EBF2: variants seen among roughly 807,000 people sequenced by gnomAD.
The protein encoded by EBF2 is EBF transcription factor 2, also known as transcription factor COE2.
Under a neutral mutation model 72.8 loss-of-function variants are expected in EBF2, and 21 were observed. That is an observed-to-expected ratio of 0.29 (90% CI 0.20 to 0.42). The LOEUF (loss-of-function observed/expected upper bound fraction) is 0.42, where lower values mean the gene tolerates loss of function less well. Ranked by LOEUF, EBF2 falls within the 10% of genes least tolerant of loss-of-function variation. EBF2 has a pLI of 1.00. For synonymous variants in EBF2, 299 were observed against 274.2 expected (o/e 1.09, Z -0.89); for missense variants, 637 against 731.2 (o/e 0.87, Z 1.49).
intron 10 of EBF2, among the ~76,000 whole-genome samples, chr8:25,870,009 C>G (rs1411713588): frequency 6.6e-6 from 1 of 152,160 alleles, no homozygotes; most frequent in Non-Finnish European, 1.5e-5. Context: ...CCATCCCCCT[C>G]TGGGCATCCT....
At chr8:25,998,457 A>C (rs1804671957) in intron 6 of EBF2, among the ~76,000 whole-genome samples, 1 of 152,240 alleles carries the variant, frequency 6.6e-6, no homozygotes, top group South Asian at 2.1e-4. Context: ...CCGTAGGAAG[A>C]AAGATGAAGC....
At chr8:26,028,526 G>A (rs1322516336) in intron 6 of EBF2, among the ~76,000 whole-genome samples, 3 of 152,114 alleles carry the variant, frequency 2.0e-5, no homozygotes, top group Admixed American at 6.6e-5. Flanking sequence ...GAACAATAGG[G>A]ACTCATCTTC....
chr8:25,935,237 A>T (rs7008954), intron 6 of EBF2, among the ~76,000 whole-genome samples: 3 of 151,912 alleles, frequency 2.0e-5, no homozygotes, highest in African/African-American at 7.3e-5. Context: ...ACAGTTAAGG[A>T]TGGAGAGGGA....
At chr8:25,851,705 G>C (rs865983103) in intron 14 of EBF2, among the ~76,000 whole-genome samples, 1 of 152,152 alleles carries the variant, frequency 6.6e-6, no homozygotes, top group African/African-American at 2.4e-5. Context: ...CACATGACTT[G>C]ACAAAAGTGT....
At chr8:25,909,288 G>C (rs1803088402) in intron 6 of EBF2, among the ~76,000 whole-genome samples, 1 of 151,970 alleles carries the variant, frequency 6.6e-6, no homozygotes, top group Non-Finnish European at 1.5e-5. Context: ...AGGCAACTAC[G>C]TTAACCAAGA....
intron 6 of EBF2, among the ~76,000 whole-genome samples, chr8:25,972,047 C>T (rs1804198789): frequency 6.6e-6 from 1 of 152,152 alleles, no homozygotes; most frequent in South Asian, 2.1e-4. Flanking sequence ...AGAGCTGGCT[C>T]CAGCTGACAA....
intron 10 of EBF2, among the ~76,000 whole-genome samples, chr8:25,881,485 G>T (rs1186016687): frequency 6.6e-6 from 1 of 152,196 alleles, no homozygotes; most frequent in Non-Finnish European, 1.5e-5. Flanking sequence ...CATCAGGTTT[G>T]CAATTCCTTG....
chr8:25,952,618 TCA>T (rs1803881974), intron 6 of EBF2, among the ~76,000 whole-genome samples: 1 of 152,132 alleles, frequency 6.6e-6, no homozygotes, highest in African/African-American at 2.4e-5. Flanking sequence ...TCACTCCTTT[TCA>T]CAGACTTTGC....
chr8:25,844,408 C>G lies in EBF2; in HGVS notation c.*201G>C. 2 of 571,704 alleles carry G rather than the reference C, an allele frequency of 3.5e-6. No individual in the cohort carries two copies. The highest frequency in any genetic ancestry group is 2.9e-5 in the East Asian group (1 of 34,972). The allele number at this position is 571,704 out of a possible 1,614,324, so 35.4% of individuals were successfully genotyped here. A position where few individuals can be genotyped will look rare whatever the true frequency, so the allele number is the denominator to read the frequency against. On this transcript the variant is annotated 3_prime_UTR_variant, in exon 16 of 16. Transcript: ENST00000520164. ...TCAATGACATCTTTTGTCCTTGTCC[C>G]AAGAGGGTCAGTTTGTGTAGCCACC...
At chr8:25,944,751 G>A (rs1301758001) in intron 6 of EBF2, among the ~76,000 whole-genome samples, 2 of 146,308 alleles carry the variant, frequency 1.4e-5, no homozygotes, top group South Asian at 2.1e-4. Context: ...CAATTATATT[G>A]TATATATAAT....
chr8:25,977,403 T>C (rs1221120851), intron 6 of EBF2, among the ~76,000 whole-genome samples: 4 of 152,130 alleles, frequency 2.6e-5, no homozygotes, highest in African/African-American at 7.2e-5. Flanking sequence ...GCCTGTGATT[T>C]TGCACATTTT....
In EBF2 at chr8:25,909,466, C is replaced by T. The variant is rs1803090653; in HGVS notation, c.552-911G>A. 2.0e-5 allele frequency among the ~76,000 whole-genome samples: 3 copies of T among 151,620 alleles called. No individual in the cohort carries two copies. The South Asian group carries it at 6.2e-4, about 32-fold the overall frequency. ...AGTCCCAGGTGAGCTAGGCCTATTT[C>T]CCTTTCTGTTACTATGACAACGAAA... On this transcript the variant is annotated intron_variant, in intron 6 of 15. Transcript: ENST00000520164.
At chr8:25,990,112 T>A (rs1804521228) in intron 6 of EBF2, among the ~76,000 whole-genome samples, 2 of 151,910 alleles carry the variant, frequency 1.3e-5, no homozygotes, top group African/African-American at 4.8e-5. Context: ...GAAACTCCAG[T>A]TTTACACAGC....
At chr8:25,927,668 G>GAGAGGATGGC (rs1803408268) in intron 6 of EBF2, among the ~76,000 whole-genome samples, 1 of 152,156 alleles carries the variant, frequency 6.6e-6, no homozygotes, top group Admixed American at 6.5e-5. Flanking sequence ...GGGGACAGGG[G>GAGAGGATGGC]AGAGGATGGC....
chr8:25,953,585 G>A (rs138918263), intron 6 of EBF2, among the ~76,000 whole-genome samples: 6 of 152,204 alleles, frequency 3.9e-5, no homozygotes, highest in African/African-American at 1.4e-4. Context: ...ATGCAGTCAG[G>A]GCAGCTGATT....
At chr8:25,924,220 A>G (rs1803349551) in intron 6 of EBF2, among the ~76,000 whole-genome samples, 1 of 152,210 alleles carries the variant, frequency 6.6e-6, no homozygotes, top group Non-Finnish European at 1.5e-5. Context: ...AGATGCTGGG[A>G]GAATTACTTA....
In EBF2 at chr8:25,892,334, G is replaced by A. The variant is rs187285661; in HGVS notation, c.634-2465C>T. Among the ~76,000 whole-genome samples the A allele has an allele frequency of 7.3e-4, 111 of 152,220 alleles. 1 individual carries two copies. The highest frequency in any genetic ancestry group is 3.4e-3 in the Middle Eastern group (1 of 294). On this transcript the variant is annotated intron_variant, in intron 7 of 15. Coordinates refer to ENST00000520164, the MANE Select transcript of EBF2 (RefSeq NM_022659.4). ...AGAAAGTGAAGCCTCCAAAGTGGAC[G>A]GGGGAACTACTGTTTACCACCACCC...
intron 6 of EBF2, among the ~76,000 whole-genome samples, chr8:25,965,424 G>C (rs772964513): frequency 6.6e-6 from 1 of 152,168 alleles, no homozygotes; most frequent in Non-Finnish European, 1.5e-5. Flanking sequence ...CAAGGGCAAG[G>C]CTGAGTCTAA....
intron 6 of EBF2, among the ~76,000 whole-genome samples, chr8:26,018,496 C>CAAA (rs10555042): frequency 1.2e-4 from 10 of 81,620 alleles, no homozygotes; most frequent in African/African-American, 2.5e-4. Flanking sequence ...ACTAAAAATA[C>CAAA]AAAAAAAAAA....
Sources: allele counts gnomAD v4.1 joint callset (sites outside exome capture counted in the v4.1 genomes callset), GRCh38; gene constraint gnomAD v4.1.1; transcripts MANE v1.5; gene names NCBI Gene and HGNC (gene_info 2026-07-23, HGNC 2026-07-21).